Variants in TENM4 observed in about 807,000 individuals in gnomAD.
The protein encoded by TENM4 is teneurin transmembrane protein 4, also known as teneurin-4.
A neutral mutation model predicts 243.3 loss-of-function variants in TENM4; 82 were observed. The observed-to-expected ratio is 0.34, with a 90% CI of 0.28 to 0.40. The LOEUF is 0.40. TENM4 is among the 10% of genes least tolerant of loss of function. The probability of loss-of-function intolerance (pLI) is 1.00; values close to 1 mark genes in which losing one functional copy is unlikely to be tolerated. For missense variants in TENM4, 3,138 were observed against 3,673.3 expected (o/e 0.85, Z 3.77); for synonymous variants, 1,412 against 1,456.3 (o/e 0.97, Z 0.69).
chr11:79,303,352 T>G (rs1012679865), intron 1 of TENM4, among the ~76,000 whole-genome samples: 6 of 152,176 alleles, frequency 3.9e-5, no homozygotes, highest in Non-Finnish European at 7.3e-5. Flanking sequence ...GCCTCTGTGT[T>G]TTCATTTGAA....
chr11:78,974,723 C>CTTTTT (rs5792830), intron 6 of TENM4, among the ~76,000 whole-genome samples: 7 of 129,262 alleles, frequency 5.4e-5, no homozygotes, highest in East Asian at 2.7e-4. Context: ...CTTTTCTTTT[C>CTTTTT]TTTTTTTTTT....
chr11:78,826,845 A>G (rs1368010697), intron 12 of TENM4, among the ~76,000 whole-genome samples: 1 of 152,246 alleles, frequency 6.6e-6, no homozygotes, highest in Non-Finnish European at 1.5e-5. Flanking sequence ...AAGATCCAAC[A>G]TGGGAATAAT....
chr11:78,922,230 A>G (rs556665361), intron 6 of TENM4, among the ~76,000 whole-genome samples: 1 of 152,366 alleles, frequency 6.6e-6, no homozygotes, highest in Admixed American at 6.5e-5. Context: ...GGGACAAGGT[A>G]TAAAATATGC....
chr11:79,374,234 T>C (rs1381456363), intron 1 of TENM4, among the ~76,000 whole-genome samples: 1 of 152,132 alleles, frequency 6.6e-6, no homozygotes, highest in African/African-American at 2.4e-5. Context: ...CCAACACACA[T>C]GGCTATTAAT....
chr11:78,837,523 C>T (rs1858144080), intron 12 of TENM4, among the ~76,000 whole-genome samples: 1 of 152,186 alleles, frequency 6.6e-6, no homozygotes, highest in African/African-American at 2.4e-5. Flanking sequence ...CTTGGTAGAT[C>T]CACTGGACTC....
chr11:79,411,127 G>T (rs1024851942), intron 1 of TENM4, among the ~76,000 whole-genome samples: 6 of 152,210 alleles, frequency 3.9e-5, no homozygotes. Flanking sequence ...GGCTCAGAGA[G>T]GGTAAGTTTA....
chr11:79,043,956 G>A (rs959661000), intron 6 of TENM4, among the ~76,000 whole-genome samples: 4 of 152,092 alleles, frequency 2.6e-5, no homozygotes, highest in African/African-American at 9.7e-5. Context: ...GAGGTGAACT[G>A]GTGACATATT....
chr11:78,772,102 T>G (rs1272676736), intron 17 of TENM4, among the ~76,000 whole-genome samples: 1 of 152,218 alleles, frequency 6.6e-6, no homozygotes, highest in Non-Finnish European at 1.5e-5. Flanking sequence ...GGGCTGTAGA[T>G]GATTTGATCA....
chr11:78,852,877 G>A (rs1181733281), intron 12 of TENM4, among the ~76,000 whole-genome samples: 3 of 152,026 alleles, frequency 2.0e-5, no homozygotes, highest in Non-Finnish European at 4.4e-5. Context: ...AGCCTCCTGA[G>A]CAGCTGGGAC....
At chr11:78,918,402 C>T (rs1856369240) in intron 6 of TENM4, among the ~76,000 whole-genome samples, 1 of 151,318 alleles carries the variant, frequency 6.6e-6, no homozygotes, top group African/African-American at 2.4e-5. Context: ...ATTCTTTTCT[C>T]TCAGCTGTGG....
In TENM4 at chr11:78,701,562, G is replaced by T. The variant is rs369416614; in HGVS notation, c.5051C>A (p.Thr1684Asn). The stretch of plus-strand genomic sequence containing the variant: ...TGTCCATCCGTTTTCATTGCTTTTG[G>T]TTGCCAGAAGGCCGGAATTGCCATG... ...TYHGNSGLLA[T>N]KSNENGWTTF... The change falls in exon 28 of 34, where the codon ACC (threonine) becomes AAC (asparagine). Residue 1684 changes from threonine (T) to asparagine (N), a missense_variant. Thr to Asn is a moderately conservative substitution (Grantham distance 65). This residue lies in a region of TENM4 where 2,467 missense variants were observed against 3,059.1 expected (regional missense o/e 0.81). Coordinates refer to ENST00000278550, the MANE Select transcript of TENM4 (RefSeq NM_001098816.3). 1 of 1,596,800 alleles carries T rather than the reference G, an allele frequency of 6.3e-7. No homozygotes were observed. Among genetic ancestry groups the T allele is most frequent in the Non-Finnish European group, 8.6e-7 (1 of 1,166,392 alleles).
intron 6 of TENM4, among the ~76,000 whole-genome samples, chr11:79,052,340 T>C (rs181850440): frequency 6.6e-6 from 1 of 152,336 alleles, no homozygotes; most frequent in Admixed American, 6.5e-5. Flanking sequence ...TGATATCTCA[T>C]TGTGGTTTTG....
intron 1 of TENM4, among the ~76,000 whole-genome samples, chr11:79,343,008 T>C (rs1294046414): frequency 6.6e-6 from 1 of 152,228 alleles, no homozygotes; most frequent in Non-Finnish European, 1.5e-5. Context: ...GGACTGACTC[T>C]CCATGGCCTG....
intron 1 of TENM4, among the ~76,000 whole-genome samples, chr11:79,365,367 C>T (rs1857659209): frequency 6.6e-6 from 1 of 152,176 alleles, no homozygotes; most frequent in African/African-American, 2.4e-5. Flanking sequence ...AGCCGAAAAG[C>T]TCCCAGTAGC....
chr11:78,973,198 C>A (rs967795668), intron 6 of TENM4, among the ~76,000 whole-genome samples: 13 of 152,218 alleles, frequency 8.5e-5, no homozygotes, highest in African/African-American at 2.7e-4. Flanking sequence ...TTTGGGTATA[C>A]ACCTAGGAGT....
chr11:79,065,780 G>A (rs1461447228), intron 5 of TENM4, among the ~76,000 whole-genome samples: 1 of 152,236 alleles, frequency 6.6e-6, no homozygotes, highest in Non-Finnish European at 1.5e-5. Flanking sequence ...CAATGCCTAG[G>A]ACAGAGGCTG....
At chr11:79,186,760 C>G (rs570348611) in intron 3 of TENM4, among the ~76,000 whole-genome samples, 45 of 152,290 alleles carry the variant, frequency 3.0e-4, no homozygotes, top group African/African-American at 1.1e-3. Flanking sequence ...CAAATAAATA[C>G]CGTGTGTTAT....
At chr11:79,051,442 C>A (rs1859788121) in intron 6 of TENM4, among the ~76,000 whole-genome samples, 1 of 152,186 alleles carries the variant, frequency 6.6e-6, no homozygotes, top group South Asian at 2.1e-4. Flanking sequence ...AGGGGCTAGT[C>A]TGATACATCA....
At chr11:79,177,015 C>T (rs1420110716) in intron 3 of TENM4, among the ~76,000 whole-genome samples, 2 of 152,156 alleles carry the variant, frequency 1.3e-5, no homozygotes, top group South Asian at 2.1e-4. Context: ...TCTCCACTAA[C>T]CATACCCCTG....
Sources: allele counts gnomAD v4.1 joint callset (sites outside exome capture counted in the v4.1 genomes callset), GRCh38; gene constraint gnomAD v4.1.1; regional missense constraint gnomAD v4.1.1; transcripts MANE v1.5; gene names NCBI Gene and HGNC (gene_info 2026-07-23, HGNC 2026-07-21).